GALNTL6: variants seen among roughly 807,000 people sequenced by gnomAD.
The protein encoded by GALNTL6 is polypeptide N-acetylgalactosaminyltransferase like 6, also known as polypeptide N-acetylgalactosaminyltransferase-like 6.
In GALNTL6, 46 loss-of-function variants were observed where a neutral mutation model predicts 73.7. The observed-to-expected ratio is 0.62, with a 90% CI of 0.49 to 0.80. GALNTL6 has a LOEUF of 0.80. Ranked by LOEUF, GALNTL6 falls within the 30% of genes least tolerant of loss-of-function variation. The pLI, the probability that GALNTL6 is intolerant of heterozygous loss-of-function variation, is 0.00. For synonymous variants in GALNTL6, 259 were observed against 263.7 expected, an observed-to-expected ratio of 0.98 and a Z score of 0.17; for missense variants, 604 against 755.0, an observed-to-expected ratio of 0.80 and a Z score of 2.34.
intron 8 of GALNTL6, among the ~76,000 whole-genome samples, chr4:172,887,334 C>T (rs1288394373): frequency 6.6e-6 from 1 of 151,882 alleles, no homozygotes; most frequent in Non-Finnish European, 1.5e-5. Context: ...GTTTATTTTC[C>T]TTTGGACATG....
chr4:172,623,067 A>G (rs930871729), intron 5 of GALNTL6, among the ~76,000 whole-genome samples: 3 of 152,128 alleles, frequency 2.0e-5, no homozygotes, highest in Non-Finnish European at 4.4e-5. Context: ...AAAGGATACA[A>G]TAAGACAACA....
chr4:171,873,250 C>T (rs1345274048), intron 2 of GALNTL6, among the ~76,000 whole-genome samples: 1 of 152,116 alleles, frequency 6.6e-6, no homozygotes, highest in Non-Finnish European at 1.5e-5. Context: ...AGAACCAATC[C>T]ATTAGAGTAA....
chr4:172,718,806 C>G (rs1185057084), intron 5 of GALNTL6, among the ~76,000 whole-genome samples: 1 of 152,030 alleles, frequency 6.6e-6, no homozygotes, highest in African/African-American at 2.4e-5. Context: ...TTTTTAAAAT[C>G]AACTTTTAAA....
At position 172,930,996 on chromosome 4, in the gene GALNTL6, G is replaced by A. The variant is rs551962267; in HGVS notation, c.1042-165G>A. Among the ~76,000 whole-genome samples the A allele has an allele frequency of 2.2e-4, 34 of 151,942 alleles. No individual in the cohort carries two copies. In the South Asian group the frequency reaches 4.0e-3, roughly 18 times the overall value. On this transcript the variant is annotated intron_variant, in intron 8 of 12. Coordinates refer to ENST00000506823, the MANE Select transcript of GALNTL6 (RefSeq NM_001034845.3). ...TGGTTTTAAACTTTTATGAATCTAG[G>A]TTTTAAAAAAAAGTGGTTTTCTTTT... is the stretch of plus-strand genomic sequence containing the variant.
At chr4:172,069,585 A>ATATATATAACACATTTGT (rs763815611) in intron 2 of GALNTL6, among the ~76,000 whole-genome samples, 1 of 23,416 alleles carries the variant, frequency 4.3e-5, no homozygotes, top group Admixed American at 4.6e-4. Flanking sequence ...GTTATATATT[A>ATATATATAACACATTTGT]TATATATAAC....
At chr4:172,956,923 T>C (rs1749778770) in intron 10 of GALNTL6, among the ~76,000 whole-genome samples, 1 of 151,954 alleles carries the variant, frequency 6.6e-6, no homozygotes, top group East Asian at 1.9e-4. Flanking sequence ...ATTTGACTAG[T>C]AAAGGCCGAT....
At chr4:172,657,227 C>T (rs993338085) in intron 5 of GALNTL6, among the ~76,000 whole-genome samples, 2 of 152,138 alleles carry the variant, frequency 1.3e-5, no homozygotes, top group Non-Finnish European at 2.9e-5. Flanking sequence ...ACTTACTGTC[C>T]GGATACCTAG....
chr4:172,131,294 C>T (rs1467408553), intron 2 of GALNTL6, among the ~76,000 whole-genome samples: 1 of 150,408 alleles, frequency 6.6e-6, no homozygotes, highest in Non-Finnish European at 1.5e-5. Flanking sequence ...AAGATTAATT[C>T]AACTGACTGA....
At chr4:171,922,070 G>A (rs1737804635) in intron 2 of GALNTL6, among the ~76,000 whole-genome samples, 1 of 151,448 alleles carries the variant, frequency 6.6e-6, no homozygotes, top group Admixed American at 6.6e-5. Context: ...TAGTTTCATA[G>A]TATGTGTGTG....
chr4:172,683,867 G>A (rs1459704822), intron 5 of GALNTL6, among the ~76,000 whole-genome samples: 2 of 152,166 alleles, frequency 1.3e-5, no homozygotes, highest in South Asian at 4.1e-4. Context: ...GCTGGAAGCA[G>A]GGATTAGCTT....
At chr4:172,546,188 G>C (rs1735742384) in intron 5 of GALNTL6, among the ~76,000 whole-genome samples, 1 of 152,124 alleles carries the variant, frequency 6.6e-6, no homozygotes, top group African/African-American at 2.4e-5. Flanking sequence ...CCACTCGGGA[G>C]AGAAGAAATT....
At chr4:172,573,077 C>T (rs1260658194) in intron 5 of GALNTL6, among the ~76,000 whole-genome samples, 1 of 152,046 alleles carries the variant, frequency 6.6e-6, no homozygotes, top group Non-Finnish European at 1.5e-5. Flanking sequence ...TAAGTGTTTA[C>T]CCGGCTACAT....
rs1747990710 is a variant in GALNTL6, at chr4:172,925,174, TG to T, written c.1042-5986del. On this transcript the variant is annotated intron_variant, in intron 8 of 12. Coordinates refer to ENST00000506823, the MANE Select transcript of GALNTL6 (RefSeq NM_001034845.3). ...GGCATGAGCCACCGCACCAGGCTTATGTTTTTTTTTTTTTTTAAAGTGATCA... is the reference window on the plus strand; with the variant it reads ...GGCATGAGCCACCGCACCAGGCTTATTTTTTTTTTTTTTTTAAAGTGATCA... Among the ~76,000 whole-genome samples, 3 of 144,300 alleles carry T rather than the reference TG, an allele frequency of 2.1e-5. 1 individual carries two copies. Among genetic ancestry groups the T allele is most frequent in the Admixed American group, 1.3e-4 (2 of 15,064 alleles). 94.7% of individuals were successfully genotyped at this position (144,300 alleles called of 152,430 possible).
chr4:172,767,246 T>C (rs944816209), intron 5 of GALNTL6, among the ~76,000 whole-genome samples: 4 of 152,184 alleles, frequency 2.6e-5, no homozygotes, highest in Admixed American at 2.6e-4. Flanking sequence ...AGAACACTTA[T>C]CAGAAAACTC....
At chr4:172,587,076 A>G (rs1165785773) in intron 5 of GALNTL6, among the ~76,000 whole-genome samples, 1 of 152,228 alleles carries the variant, frequency 6.6e-6, no homozygotes, top group Non-Finnish European at 1.5e-5. Context: ...AAGGAAATGA[A>G]TGTGAAGAAT....
At chr4:172,410,820 C>T (rs1032289901) in intron 5 of GALNTL6, among the ~76,000 whole-genome samples, 5 of 152,010 alleles carry the variant, frequency 3.3e-5, no homozygotes, top group Admixed American at 2.0e-4. Flanking sequence ...TTCTGGGTTG[C>T]TTTATGATGT....
intron 2 of GALNTL6, among the ~76,000 whole-genome samples, chr4:172,159,435 CAG>C (rs1385652217): frequency 1.3e-5 from 2 of 152,130 alleles, no homozygotes; most frequent in Non-Finnish European, 2.9e-5. Flanking sequence ...AATAGATACT[CAG>C]AGAATAATAC....
intron 8 of GALNTL6, among the ~76,000 whole-genome samples, chr4:172,928,728 T>C (rs546275893): frequency 1.3e-5 from 2 of 152,376 alleles, no homozygotes; most frequent in East Asian, 3.9e-4. Context: ...TTGAAAAGGC[T>C]ATCTCTGAAT....
At chr4:172,627,348 T>C (rs1012953090) in intron 5 of GALNTL6, among the ~76,000 whole-genome samples, 9 of 152,174 alleles carry the variant, frequency 5.9e-5, no homozygotes, top group Non-Finnish European at 1.2e-4. Flanking sequence ...CAAGCATTCT[T>C]GATCTTAGTG....
Sources: allele counts gnomAD v4.1 joint callset (sites outside exome capture counted in the v4.1 genomes callset), GRCh38; gene constraint gnomAD v4.1.1; transcripts MANE v1.5; gene names NCBI Gene and HGNC (gene_info 2026-07-23, HGNC 2026-07-21).